The following DCDC2 variants were observed in gnomAD, a reference collection of about 807,000 sequenced individuals.
DCDC2 encodes doublecortin domain-containing protein 2.
A neutral mutation model predicts 50.2 loss-of-function variants in DCDC2; 40 were observed. That is an observed-to-expected ratio of 0.80 (90% CI 0.62 to 1.04). DCDC2 has a LOEUF of 1.04. Among genes scored for constraint, DCDC2 ranks in the 50% least tolerant of loss-of-function variants. The pLI is 0.00. For missense variants in DCDC2, 570 were observed against 581.9 expected, an observed-to-expected ratio of 0.98 and a Z score of 0.21; for synonymous variants, 234 against 210.6, an observed-to-expected ratio of 1.11 and a Z score of -0.96.
intron 7 of DCDC2, among the ~76,000 whole-genome samples, chr6:24,255,450 A>C (rs1220821926): frequency 6.6e-6 from 1 of 152,132 alleles, no homozygotes; most frequent in Non-Finnish European, 1.5e-5. Flanking sequence ...AATAAATTAT[A>C]CTTTGTTAAG....
At chr6:24,280,879 C>T (rs1365652742) in intron 6 of DCDC2, among the ~76,000 whole-genome samples, 2 of 152,106 alleles carry the variant, frequency 1.3e-5, no homozygotes, top group Non-Finnish European at 2.9e-5. Context: ...AGAAGATCAA[C>T]CTTTCACACG....
Position 24,266,647 on chromosome 6 carries a change from C to T in DCDC2, c.922+11402G>A, listed in dbSNP as rs375822558. Reference sequence around the variant, plus strand: ...ATCATCTCAACCCAGTTATTTTATTCGGAAGACAGACAATAAGGGATGCTG... The same window carrying T: ...ATCATCTCAACCCAGTTATTTTATTTGGAAGACAGACAATAAGGGATGCTG... On this transcript the variant is annotated intron_variant, in intron 7 of 9. Coordinates refer to ENST00000378454, the MANE Select transcript of DCDC2 (RefSeq NM_016356.5). 1.8e-3 allele frequency among the ~76,000 whole-genome samples: 279 copies of T among 152,044 alleles called. No individual in the cohort carries two copies. The South Asian group carries it at 0.024, about 13-fold the overall frequency.
intron 5 of DCDC2, among the ~76,000 whole-genome samples, chr6:24,289,971 CTTTTTTTTTTTTTTTTTTTTTTTT>C (rs3077132): frequency 2.0e-4 from 12 of 61,026 alleles, no homozygotes; most frequent in Middle Eastern, 0.012. Context: ...CAGAGCTCTT[CTTTTTTTTTTTTTTTTTTTTTTTT>C]TTTTTTTTTT....
intron 7 of DCDC2, among the ~76,000 whole-genome samples, chr6:24,270,138 C>T (rs919013352): frequency 1.2e-4 from 18 of 152,246 alleles, no homozygotes; most frequent in Middle Eastern, 3.4e-3. Context: ...TGTCCCTCCA[C>T]CTCCCCTTTC....
intron 7 of DCDC2, among the ~76,000 whole-genome samples, chr6:24,250,756 A>G (rs1433533451): frequency 6.6e-6 from 1 of 151,702 alleles, no homozygotes; most frequent in Non-Finnish European, 1.5e-5. Flanking sequence ...GAAAAAAAAA[A>G]CAGAAAATAT....
At chr6:24,238,483 G>A (rs1762501366) in intron 7 of DCDC2, among the ~76,000 whole-genome samples, 1 of 151,774 alleles carries the variant, frequency 6.6e-6, no homozygotes, top group African/African-American at 2.4e-5. Context: ...ATTTTTAGTA[G>A]AGATGGGGTT....
Position 24,174,639 on chromosome 6 carries a change from A to T in DCDC2, c.*91T>A, listed in dbSNP as rs1760860428. On this transcript the variant is annotated 3_prime_UTR_variant, in exon 10 of 10. Transcript: ENST00000378454. ...AGGTAGTATTCGACCATAGTGTCACATTATATTCAGCAATAACTATGTGCT... is the reference window on the plus strand; with the variant it reads ...AGGTAGTATTCGACCATAGTGTCACTTTATATTCAGCAATAACTATGTGCT... 1.2e-6 allele frequency: 1 copy of T among 866,192 alleles called. No individual in the cohort carries two copies. The highest frequency in any genetic ancestry group is 1.8e-5 in the South Asian group (1 of 55,826). The allele number at this position is 866,192 out of a possible 1,614,324, so 53.7% of individuals were successfully genotyped here.
At chr6:24,260,008 G>T (rs1408149759) in intron 7 of DCDC2, among the ~76,000 whole-genome samples, 1 of 152,194 alleles carries the variant, frequency 6.6e-6, no homozygotes, top group Admixed American at 6.5e-5. Context: ...GTGTTAAAGA[G>T]AATTGATGCT....
the DCDC2 span, among the ~76,000 whole-genome samples, chr6:24,367,390 C>G: frequency 2.0e-5 from 3 of 152,178 alleles, no homozygotes; most frequent in Non-Finnish European, 4.4e-5. Context: ...AATATGGAAC[C>G]TCAAAGAGTT....
At chr6:24,341,862 G>A (rs1760160370) in intron 2 of DCDC2, among the ~76,000 whole-genome samples, 1 of 152,070 alleles carries the variant, frequency 6.6e-6, no homozygotes, top group Non-Finnish European at 1.5e-5. Context: ...TGCTGCTCTA[G>A]ATCTTTGAAA....
chr6:24,342,468 G>C (rs1760176170), intron 2 of DCDC2, among the ~76,000 whole-genome samples: 1 of 152,200 alleles, frequency 6.6e-6, no homozygotes, highest in Non-Finnish European at 1.5e-5. Context: ...CTTCTCCGTG[G>C]AGTGTGGCAG....
chr6:24,235,824 G>C (rs777571646), intron 7 of DCDC2, among the ~76,000 whole-genome samples: 1 of 152,152 alleles, frequency 6.6e-6, no homozygotes, highest in Non-Finnish European at 1.5e-5. Flanking sequence ...TGTACAAGCT[G>C]AGAGCCAAAT....
chr6:24,244,568 T>C (rs1762630582), intron 7 of DCDC2, among the ~76,000 whole-genome samples: 1 of 152,238 alleles, frequency 6.6e-6, no homozygotes, highest in South Asian at 2.1e-4. Flanking sequence ...AGGGAAGAAC[T>C]GCCCTTGGGC....
the DCDC2 span, among the ~76,000 whole-genome samples, chr6:24,369,899 G>A: frequency 8.6e-5 from 13 of 150,784 alleles, no homozygotes; most frequent in Non-Finnish European, 1.6e-4. Flanking sequence ...AAAAATAGCC[G>A]GGCATGGTGG....
intron 2 of DCDC2, among the ~76,000 whole-genome samples, chr6:24,332,089 T>C (rs960092496): frequency 2.6e-5 from 4 of 152,166 alleles, no homozygotes; most frequent in African/African-American, 9.7e-5. Context: ...TAGCTACATA[T>C]CTAAATGAAT....
chr6:24,378,561 G>T, the DCDC2 span, among the ~76,000 whole-genome samples: 1 of 152,026 alleles, frequency 6.6e-6, no homozygotes, highest in African/African-American at 2.4e-5. Flanking sequence ...GCACTCGGTG[G>T]GATGTTGCCT....
rs6906832 is a variant in DCDC2, at chr6:24,204,757, A to G, written c.1023+245T>C. On this transcript the variant is annotated intron_variant, in intron 8 of 9. Coordinates refer to ENST00000378454, the MANE Select transcript of DCDC2 (RefSeq NM_016356.5). ...TAATCCCATCCCATCTTGCTCTTCA[A>G]TGCTCTTTATTAAGGAAATACCATT... Among the ~76,000 whole-genome samples, 5,303 of 152,184 alleles carry G rather than the reference A, an allele frequency of 0.035. 271 individuals carry two copies. The highest frequency in any genetic ancestry group is 0.12 in the African/African-American group (4,811 of 41,494).
chr6:24,277,310 G>C (rs1016131264), intron 7 of DCDC2, among the ~76,000 whole-genome samples: 7 of 152,138 alleles, frequency 4.6e-5, no homozygotes, highest in African/African-American at 1.7e-4. Context: ...AGGGCAAGAG[G>C]AGCAGGAGTC....
chr6:24,317,439 C>T (rs1471169133), intron 2 of DCDC2, among the ~76,000 whole-genome samples: 1 of 151,884 alleles, frequency 6.6e-6, no homozygotes, highest in African/African-American at 2.4e-5. Context: ...GTAGCCTAGG[C>T]ATCTCTGGAA....
Sources: gnomAD v4.1 joint callset for allele counts (sites outside exome capture counted in the v4.1 genomes callset) on GRCh38, gnomAD v4.1.1 for gene constraint, MANE v1.5 for transcripts, NCBI Gene and HGNC (gene_info 2026-07-23, HGNC 2026-07-21) for gene names.